Variants in SCFD2 observed in about 807,000 individuals in gnomAD.
SCFD2 encodes sec1 family domain containing 2, also known as sec1 family domain-containing protein 2.
In SCFD2, 54 loss-of-function variants were observed where a neutral mutation model predicts 58.9. That is an observed-to-expected ratio of 0.92 (90% CI 0.74 to 1.15). SCFD2 has a LOEUF of 1.15. Ranked by LOEUF, SCFD2 falls within the 50% of genes most tolerant of loss-of-function variation. SCFD2 has a pLI of 0.00. For synonymous variants in SCFD2, 321 were observed against 335.9 expected, an observed-to-expected ratio of 0.96 and a Z score of 0.49; for missense variants, 805 against 836.6, an observed-to-expected ratio of 0.96 and a Z score of 0.47.
At chr4:52,920,617 A>T (rs891536879) in intron 6 of SCFD2, 108 bp downstream of exon 6, 3 of 711,028 alleles carry the variant, frequency 4.2e-6, no homozygotes, top group Non-Finnish European at 6.5e-6. Context: ...GATCATCTAG[A>T]ACAAACCTTT....
chr4:53,299,661 T>A (rs1477402881), intron 3 of SCFD2, among the ~76,000 whole-genome samples: 1 of 151,906 alleles, frequency 6.6e-6, no homozygotes, highest in Non-Finnish European at 1.5e-5. Flanking sequence ...TCACCAAAGT[T>A]GAAATGAAGG....
At chr4:52,987,138 C>G (rs1177828885) in intron 5 of SCFD2, among the ~76,000 whole-genome samples, 1 of 152,176 alleles carries the variant, frequency 6.6e-6, no homozygotes, top group African/African-American at 2.4e-5. Flanking sequence ...ACGCCATTCT[C>G]CTGCCTTAGC....
intron 1 of SCFD2, among the ~76,000 whole-genome samples, chr4:53,363,996 G>A (rs1734627185): frequency 6.6e-6 from 1 of 152,092 alleles, no homozygotes; most frequent in African/African-American, 2.4e-5. Flanking sequence ...TTGGCATAAA[G>A]AGATAGAAGT....
chr4:53,300,122 C>G (rs968165968), intron 3 of SCFD2, among the ~76,000 whole-genome samples: 1 of 152,124 alleles, frequency 6.6e-6, no homozygotes, highest in African/African-American at 2.4e-5. Flanking sequence ...TGTAAATGGG[C>G]TAAATGCTCC....
chr4:53,116,366 T>C (rs1414037667), intron 5 of SCFD2, among the ~76,000 whole-genome samples: 1 of 152,150 alleles, frequency 6.6e-6, no homozygotes, highest in African/African-American at 2.4e-5. Flanking sequence ...CATGCTTCAA[T>C]GTTTGCCATG....
chr4:52,925,665 C>T (rs889353281), intron 5 of SCFD2, among the ~76,000 whole-genome samples: 5 of 152,100 alleles, frequency 3.3e-5, no homozygotes, highest in African/African-American at 1.2e-4. Context: ...AGATAACGGC[C>T]TTTTGTAAGG....
chr4:52,960,611 C>T (rs370197104), intron 5 of SCFD2, among the ~76,000 whole-genome samples: 16 of 151,974 alleles, frequency 1.1e-4, no homozygotes, highest in African/African-American at 3.1e-4. Context: ...TCAGGTGATC[C>T]GCCTGTCTCA....
intron 5 of SCFD2, among the ~76,000 whole-genome samples, chr4:52,981,791 G>T (rs928303076): frequency 2.6e-5 from 4 of 152,136 alleles, no homozygotes; most frequent in African/African-American, 9.7e-5. Context: ...TATATTCCAA[G>T]ATGAATGGGC....
At chr4:53,261,370 T>C (rs1301744862) in intron 4 of SCFD2, among the ~76,000 whole-genome samples, 1 of 152,156 alleles carries the variant, frequency 6.6e-6, no homozygotes, top group Non-Finnish European at 1.5e-5. Flanking sequence ...AGGCATTTAG[T>C]GCTATAAACT....
chr4:53,344,524 C>T (rs1490556482), intron 2 of SCFD2, among the ~76,000 whole-genome samples: 1 of 151,816 alleles, frequency 6.6e-6, no homozygotes, highest in South Asian at 2.1e-4. Context: ...GCCATACTGC[C>T]CAAGGTAATT....
chr4:53,280,386 T>C (rs550820374), intron 3 of SCFD2, among the ~76,000 whole-genome samples: 13 of 152,130 alleles, frequency 8.5e-5, no homozygotes, highest in African/African-American at 2.7e-4. Flanking sequence ...CATAGTATCA[T>C]ATGCATGTAA....
chr4:53,365,999 C>A lies in SCFD2; in HGVS notation c.-58G>T, dbSNP rs1734696856. 4.0e-6 allele frequency: 6 copies of A among 1,498,746 alleles called. No individual in the cohort carries two copies. Among genetic ancestry groups the A allele is most frequent in the Non-Finnish European group, 5.3e-6 (6 of 1,131,010 alleles). The allele number at this position is 1,498,746 out of a possible 1,614,324, so 92.8% of individuals were successfully genotyped here. On this transcript the variant is annotated 5_prime_UTR_variant, in exon 1 of 9. Coordinates refer to ENST00000401642, the MANE Select transcript of SCFD2 (RefSeq NM_152540.4). This position sits in a 1 kb window ranked among gnomAD's most constrained non-coding sequence, Gnocchi z 4.3. The stretch of plus-strand genomic sequence containing the variant: ...TGCAGGAACTTCTTTCAGAACTCAC[C>A]GCTTCCGGAAATTGGGCTCCGGGAG...
chr4:53,305,675 A>T (rs1732491897), intron 3 of SCFD2, among the ~76,000 whole-genome samples: 1 of 152,194 alleles, frequency 6.6e-6, no homozygotes, highest in Non-Finnish European at 1.5e-5. Context: ...TAAATATTTT[A>T]AAATACTCCT....
At chr4:53,355,006 A>G (rs1294095976) in intron 1 of SCFD2, among the ~76,000 whole-genome samples, 2 of 152,206 alleles carry the variant, frequency 1.3e-5, no homozygotes, top group South Asian at 2.1e-4. Flanking sequence ...TTCAAGGGCT[A>G]AACTTTTCAA....
intron 4 of SCFD2, among the ~76,000 whole-genome samples, chr4:53,248,971 T>A (rs923352843): frequency 2.6e-5 from 4 of 151,910 alleles, no homozygotes; most frequent in African/African-American, 7.3e-5. Context: ...CTTTGATGAG[T>A]TGAGAGAAGA....
chr4:53,031,412 C>G (rs1453900494), intron 5 of SCFD2, among the ~76,000 whole-genome samples: 3 of 152,206 alleles, frequency 2.0e-5, no homozygotes, highest in Non-Finnish European at 4.4e-5. Context: ...GGGAACAAAA[C>G]TTGACGTAGA....
At chr4:53,249,366 A>C (rs1192781738) in intron 4 of SCFD2, among the ~76,000 whole-genome samples, 1 of 152,240 alleles carries the variant, frequency 6.6e-6, no homozygotes, top group Admixed American at 6.5e-5. Context: ...AATGGAACCA[A>C]GTTGCAAAAT....
At chr4:52,973,449 C>T (rs1057045958) in intron 5 of SCFD2, among the ~76,000 whole-genome samples, 2 of 152,170 alleles carry the variant, frequency 1.3e-5, no homozygotes, top group African/African-American at 4.8e-5. Context: ...GACACATACA[C>T]CCTCCCAAGA....
rs534239553 is a variant in SCFD2, at chr4:53,025,056, C to T, written c.1562-104186G>A. Among the ~76,000 whole-genome samples, 11 of 152,232 alleles carry T rather than the reference C, an allele frequency of 7.2e-5. No homozygotes were observed. In the East Asian group the frequency reaches 1.4e-3, roughly 19 times the overall value. ...ACCTGTGGGCATCTCCACGGCCCCT[C>T]TGTGTGGCTCTGCTGAAAGCTTCCA... On this transcript the variant is annotated intron_variant, in intron 5 of 8. Coordinates refer to ENST00000401642, the MANE Select transcript of SCFD2 (RefSeq NM_152540.4).
Sources: allele counts gnomAD v4.1 joint callset (sites outside exome capture counted in the v4.1 genomes callset), GRCh38; gene constraint gnomAD v4.1.1; non-coding constraint Gnocchi (gnomAD v3.1); transcripts MANE v1.5; gene names NCBI Gene and HGNC (gene_info 2026-07-23, HGNC 2026-07-21).